The following IGSF23 variants were observed in gnomAD, a reference collection of about 807,000 sequenced individuals.
IGSF23 encodes the protein immunoglobulin superfamily, member 23.
IGSF23 carries 14 observed loss-of-function variants against 17.8 expected under a neutral mutation model. The ratio of observed to expected loss-of-function variants is 0.79; its 90% CI spans 0.52 to 1.23. The LOEUF (loss-of-function observed/expected upper bound fraction) is 1.23, where lower values mean the gene tolerates loss of function less well. IGSF23 is among the 50% of genes most tolerant of loss of function. The pLI, the probability that IGSF23 is intolerant of heterozygous loss-of-function variation, is 0.00. For missense variants in IGSF23, 214 were observed against 241.7 expected, an observed-to-expected ratio of 0.89 and a Z score of 0.76; for synonymous variants, 85 against 92.5, an observed-to-expected ratio of 0.92 and a Z score of 0.46.
chr19:44,622,829 T>A (rs1200022853), intron 1 of IGSF23, among the ~76,000 whole-genome samples: 1 of 152,108 alleles, frequency 6.6e-6, no homozygotes, highest in Non-Finnish European at 1.5e-5. Flanking sequence ...TACTTGGTGT[T>A]CCCTCTGCCT....
intron 3 of IGSF23, among the ~76,000 whole-genome samples, chr19:44,630,239 T>C (rs1342280078): frequency 6.6e-6 from 1 of 152,088 alleles, no homozygotes; most frequent in African/African-American, 2.4e-5. Flanking sequence ...CACACAACCA[T>C]CTAGGGGCAA....
intron 4 of IGSF23, among the ~76,000 whole-genome samples, 181 bp from the exon 5 acceptor site, chr19:44,636,238 T>G (rs1972885680): frequency 6.6e-6 from 1 of 152,158 alleles, no homozygotes; most frequent in Non-Finnish European, 1.5e-5. Flanking sequence ...GGAAGTTGAC[T>G]CCACCTCTTG....
At chr19:44,623,025 C>T (rs541009599) in intron 1 of IGSF23, among the ~76,000 whole-genome samples, 2 of 152,264 alleles carry the variant, frequency 1.3e-5, no homozygotes, top group South Asian at 2.1e-4. Flanking sequence ...ACTATATATA[C>T]TTGTCAGTTT....
intron 3 of IGSF23, chr19:44,632,459 C>T (rs1052536282): frequency 1.5e-4 from 24 of 155,426 alleles, no homozygotes; most frequent in South Asian, 5.2e-4. Flanking sequence ...CTGTGTTCGA[C>T]GGGTGTTTCT....
chr19:44,614,103 T>C (rs1972314386), intron 1 of IGSF23: 5 of 791,352 alleles, frequency 6.3e-6, no homozygotes, highest in Non-Finnish European at 9.6e-6. Context: ...TTGAGGCCCA[T>C]GCAGCTCAGG....
At chr19:44,619,505 C>T (rs1972463433) in intron 1 of IGSF23, among the ~76,000 whole-genome samples, 1 of 152,204 alleles carries the variant, frequency 6.6e-6, no homozygotes, top group Non-Finnish European at 1.5e-5. Flanking sequence ...CCAGACCCAT[C>T]CTCCTTTTAG....
intron 2 of IGSF23, 72 bp downstream of exon 2, chr19:44,624,044 T>C (rs957855365): frequency 1.5e-6 from 2 of 1,345,094 alleles, no homozygotes; most frequent in Non-Finnish European, 2.0e-6. Context: ...TGGCAGCCTC[T>C]ATGATTCCAT....
chr19:44,631,092 C>A (rs979626291), intron 3 of IGSF23, among the ~76,000 whole-genome samples: 799 of 129,372 alleles, frequency 6.2e-3, no homozygotes, highest in Middle Eastern at 8.8e-3. Context: ...CATGTCTCTA[C>A]AAAAAAAAAA....
intron 1 of IGSF23, among the ~76,000 whole-genome samples, chr19:44,615,072 G>A (rs1401761977): frequency 3.3e-5 from 5 of 149,502 alleles, no homozygotes; most frequent in Admixed American, 2.7e-4. Context: ...GGCGGATCAC[G>A]AGGTCAGGAG....
At chr19:44,624,042 T>G in intron 2 of IGSF23, 70 bp downstream of exon 2, 1 of 1,348,842 alleles carries the variant, frequency 7.4e-7, no homozygotes, top group South Asian at 1.4e-5. Flanking sequence ...TGTGGCAGCC[T>G]CTATGATTCC....
chr19:44,620,341 T>TTGTGTGTGTGTGTGTG lies in IGSF23; in HGVS notation c.126-3337_126-3322dup, dbSNP rs373422531. On this transcript the variant is annotated intron_variant, in intron 1 of 4. Transcript: ENST00000402988. ...TATTTCTGTGATTTGATGACTAATT[T>TTGTGTGTGTGTGTGTG]TGTGTGTGTGTGTGTGTGTGTGTGT... 7.2e-5 allele frequency among the ~76,000 whole-genome samples: 10 copies of TTGTGTGTGTGTGTGTG among 139,398 alleles called. No individual in the cohort carries two copies. In the East Asian group the frequency reaches 8.8e-4, roughly 12 times the overall value. The allele number at this position is 139,398 out of a possible 152,430, so 91.5% of individuals were successfully genotyped here.
intron 1 of IGSF23, among the ~76,000 whole-genome samples, chr19:44,621,447 A>C (rs1427549224): frequency 6.7e-6 from 1 of 149,862 alleles, no homozygotes; most frequent in Non-Finnish European, 1.5e-5. Context: ...CCGGGAGTTC[A>C]AGACCAGCCT....
intron 1 of IGSF23, among the ~76,000 whole-genome samples, chr19:44,620,378 TGTGTGTGA>T (rs1338265550): frequency 7.1e-6 from 1 of 140,192 alleles, no homozygotes; most frequent in East Asian, 2.4e-4. Flanking sequence ...TGTGTGTGTG[TGTGTGTGA>T]GATGGAGCCT....
intron 1 of IGSF23, among the ~76,000 whole-genome samples, chr19:44,620,041 C>T (rs1019647773): frequency 2.0e-5 from 3 of 152,042 alleles, no homozygotes; most frequent in African/African-American, 7.2e-5. Flanking sequence ...GAGGCCAAGG[C>T]GGGCAGATCA....
intron 4 of IGSF23, 147 bp downstream of exon 4, chr19:44,635,612 C>G: frequency 3.6e-6 from 2 of 561,376 alleles, no homozygotes; most frequent in Non-Finnish European, 3.1e-6. Context: ...GCTCCAGGAG[C>G]TGCTTTTCTC....
In IGSF23 at chr19:44,618,982, A is replaced by T. The variant is rs1222566522; in HGVS notation, c.126-4725A>T. Among the ~76,000 whole-genome samples, 109 of 20,882 alleles carry T rather than the reference A, an allele frequency of 5.2e-3. 2 individuals carry two copies. In the East Asian group the frequency reaches 0.28, roughly 54 times the overall value. The allele number at this position is 20,882 out of a possible 152,430, so 13.7% of individuals were successfully genotyped here. A position where few individuals can be genotyped will look rare whatever the true frequency, so the allele number is the denominator to read the frequency against. On this transcript the variant is annotated intron_variant, in intron 1 of 4. Coordinates refer to ENST00000402988, the MANE Select transcript of IGSF23 (RefSeq NM_001205280.2). ...ATACCTGAGACTGGGTTATTTATTT[A>T]AAAAAAAAAAAAAAAGAAGAAGACG...
intron 1 of IGSF23, 41 bp from the exon 2 acceptor site, chr19:44,623,666 G>T (rs1231349595): frequency 6.5e-7 from 1 of 1,539,224 alleles, no homozygotes; most frequent in South Asian, 1.2e-5. Flanking sequence ...TTTCTGAGTG[G>T]ACTCCACTCT....
chr19:44,627,845 C>A (rs1045245742), intron 3 of IGSF23, among the ~76,000 whole-genome samples: 2 of 152,162 alleles, frequency 1.3e-5, no homozygotes, highest in East Asian at 3.8e-4. Flanking sequence ...CACTCCCCTT[C>A]TCTGTGCCTC....
At chr19:44,614,316 C>T (rs1972319676) in intron 1 of IGSF23, among the ~76,000 whole-genome samples, 1 of 152,224 alleles carries the variant, frequency 6.6e-6, no homozygotes. Context: ...CCCCTGCAAT[C>T]CGCAACTTAG....
Sources: gnomAD v4.1 joint callset for allele counts (sites outside exome capture counted in the v4.1 genomes callset) on GRCh38, gnomAD v4.1.1 for gene constraint, MANE v1.5 for transcripts, NCBI Gene and HGNC (gene_info 2026-07-23, HGNC 2026-07-21) for gene names.